HS3ST4: variants seen among roughly 807,000 people sequenced by gnomAD.
The protein encoded by HS3ST4 is heparan sulfate glucosamine 3-O-sulfotransferase 4.
HS3ST4 carries 17 observed loss-of-function variants against 29.2 expected under a neutral mutation model. That is an observed-to-expected ratio of 0.58 (90% CI 0.40 to 0.87). The LOEUF (loss-of-function observed/expected upper bound fraction) is 0.87. Among genes scored for constraint, HS3ST4 ranks in the 40% least tolerant of loss-of-function variants. HS3ST4 has a pLI of 0.00. For missense variants in HS3ST4, 627 were observed against 634.5 expected (o/e 0.99, Z 0.13); for synonymous variants, 314 against 285.7 (o/e 1.10, Z -1.00).
At chr16:26,034,170 G>C (rs996443148) in intron 1 of HS3ST4, among the ~76,000 whole-genome samples, 2 of 152,140 alleles carry the variant, frequency 1.3e-5, no homozygotes, top group African/African-American at 4.8e-5. Flanking sequence ...TTCCTGGAAG[G>C]AGGACAGAGC....
chr16:25,828,242 C>A (rs113916073), intron 1 of HS3ST4, among the ~76,000 whole-genome samples: 1 of 75,016 alleles, frequency 1.3e-5, no homozygotes, highest in Non-Finnish European at 2.5e-5. Context: ...TTCTTTCTTT[C>A]TCTTTCTTTC....
chr16:25,763,052 T>A (rs1363479463), intron 1 of HS3ST4, among the ~76,000 whole-genome samples: 1 of 152,118 alleles, frequency 6.6e-6, no homozygotes, highest in East Asian at 1.9e-4. Flanking sequence ...AGAGCTGGTC[T>A]CGTCTACCTG....
At chr16:25,846,537 A>C (rs896335340) in intron 1 of HS3ST4, among the ~76,000 whole-genome samples, 10 of 74,700 alleles carry the variant, frequency 1.3e-4, no homozygotes, top group Non-Finnish European at 2.9e-4. Flanking sequence ...CCATCTCTTA[A>C]AAAAAAAAAA....
intron 1 of HS3ST4, among the ~76,000 whole-genome samples, chr16:25,708,694 G>C (rs1420665434): frequency 6.6e-6 from 1 of 152,134 alleles, no homozygotes; most frequent in Non-Finnish European, 1.5e-5. Flanking sequence ...GAGAACCATG[G>C]ATTTCCTCAT....
At chr16:25,862,808 G>A (rs561208954) in intron 1 of HS3ST4, among the ~76,000 whole-genome samples, 14 of 152,280 alleles carry the variant, frequency 9.2e-5, no homozygotes, top group East Asian at 3.9e-4. Flanking sequence ...TGAAAATGTC[G>A]CATCATTGGT....
rs1898298517 is a variant in HS3ST4 at position 26,137,383 on chromosome 16, T to G, written c.*1135T>G. 1 of 152,172 alleles carries G rather than the reference T, an allele frequency of 6.6e-6. No homozygotes were observed. The highest frequency in any genetic ancestry group is 1.5e-5 in the Non-Finnish European group (1 of 68,036). The allele number at this position is 152,172 out of a possible 1,614,324, so 9.4% of individuals were successfully genotyped here. On this transcript the variant is annotated 3_prime_UTR_variant, in exon 2 of 2. Coordinates refer to ENST00000331351, the MANE Select transcript of HS3ST4 (RefSeq NM_006040.3). ...TTAGAGATGGCAGAGAGTGAGGTAG[T>G]GGCGAGAAAGCTGACTCCATTCATC...
At chr16:26,032,880 C>T (rs550125304) in intron 1 of HS3ST4, 12 of 1,435,088 alleles carry the variant, frequency 8.4e-6, no homozygotes, top group African/African-American at 2.8e-5. Context: ...GGGCTTTGGT[C>T]GGTCTGGGGG....
intron 1 of HS3ST4, among the ~76,000 whole-genome samples, chr16:25,792,543 C>T (rs1369933828): frequency 6.6e-6 from 1 of 151,804 alleles, no homozygotes; most frequent in African/African-American, 2.4e-5. Flanking sequence ...TTGTGTTTTT[C>T]TAGAATATTT....
At chr16:25,901,212 T>G (rs1015054199) in intron 1 of HS3ST4, among the ~76,000 whole-genome samples, 1 of 152,174 alleles carries the variant, frequency 6.6e-6, no homozygotes, top group Admixed American at 6.5e-5. Flanking sequence ...GTTTCTGCCC[T>G]AAGACTTAGT....
chr16:25,961,731 A>T (rs1347507673), intron 1 of HS3ST4, among the ~76,000 whole-genome samples: 1 of 152,188 alleles, frequency 6.6e-6, no homozygotes, highest in Non-Finnish European at 1.5e-5. Context: ...TTCATTACTA[A>T]AAAGGAAAAA....
intron 1 of HS3ST4, among the ~76,000 whole-genome samples, chr16:25,968,851 G>C (rs1454681055): frequency 6.6e-6 from 1 of 152,132 alleles, no homozygotes; most frequent in African/African-American, 2.4e-5. Flanking sequence ...ATGGAGTCTT[G>C]CTCTGTTGCC....
intron 1 of HS3ST4, among the ~76,000 whole-genome samples, chr16:26,129,045 C>G (rs11644412): frequency 0.22 from 32,903 of 152,154 alleles, 3,832 homozygotes; most frequent in East Asian, 0.4. Flanking sequence ...CACTCCTGAC[C>G]CTTCCAGAGA....
chr16:25,733,978 G>A (rs1966589271), intron 1 of HS3ST4, among the ~76,000 whole-genome samples: 1 of 152,176 alleles, frequency 6.6e-6, no homozygotes, highest in South Asian at 2.1e-4. Context: ...TTAGTTGGGA[G>A]TGGTGGCATG....
chr16:25,834,842 G>C (rs550254207), intron 1 of HS3ST4, among the ~76,000 whole-genome samples: 1 of 152,254 alleles, frequency 6.6e-6, no homozygotes, highest in South Asian at 2.1e-4. Context: ...AGCTACTTGG[G>C]AGGCTGAGGC....
At chr16:25,715,146 C>G (rs1360534146) in intron 1 of HS3ST4, among the ~76,000 whole-genome samples, 1 of 151,756 alleles carries the variant, frequency 6.6e-6, no homozygotes, top group East Asian at 1.9e-4. Flanking sequence ...CAAGGTGAAA[C>G]CCCGTCTCTA....
chr16:25,741,685 A>T (rs1003284575), intron 1 of HS3ST4, among the ~76,000 whole-genome samples: 12 of 152,094 alleles, frequency 7.9e-5, no homozygotes, highest in African/African-American at 2.9e-4. Context: ...CATGGAGGAG[A>T]CCACATATGT....
intron 1 of HS3ST4, among the ~76,000 whole-genome samples, chr16:26,134,362 C>CTTTTTTTTT (rs60068546): frequency 1.0e-4 from 8 of 76,798 alleles, no homozygotes; most frequent in South Asian, 9.5e-4. Context: ...CTTTTCTTTT[C>CTTTTTTTTT]TTTTTTTTTT....
chr16:25,867,826 T>C (rs1967711683), intron 1 of HS3ST4, among the ~76,000 whole-genome samples: 1 of 152,042 alleles, frequency 6.6e-6, no homozygotes, highest in South Asian at 2.1e-4. Context: ...AAGCACTGAG[T>C]GGATCTCATG....
chr16:25,779,991 A>C (rs1453616650), intron 1 of HS3ST4, among the ~76,000 whole-genome samples: 1 of 152,130 alleles, frequency 6.6e-6, no homozygotes, highest in African/African-American at 2.4e-5. Context: ...TTATTGCTCC[A>C]TTTCTTCGTA....
Sources: allele counts gnomAD v4.1 joint callset (sites outside exome capture counted in the v4.1 genomes callset), GRCh38; gene constraint gnomAD v4.1.1; transcripts MANE v1.5; gene names NCBI Gene and HGNC (gene_info 2026-07-23, HGNC 2026-07-21).